RAB11FIP5: variants seen among roughly 807,000 people sequenced by gnomAD.
The protein encoded by RAB11FIP5 is RAB11 family interacting protein 5.
In RAB11FIP5, 48 loss-of-function variants were observed where a neutral mutation model predicts 85.1. That is an observed-to-expected ratio of 0.56 (90% CI 0.45 to 0.72). The LOEUF is 0.72. Ranked by LOEUF, RAB11FIP5 falls within the 30% of genes least tolerant of loss-of-function variation. The probability of loss-of-function intolerance (pLI) is 0.00; values close to 1 mark genes in which losing one functional copy is unlikely to be tolerated. For missense variants in RAB11FIP5, 1,491 were observed against 1,687.0 expected (o/e 0.88, Z 2.04); for synonymous variants, 729 against 727.3 (o/e 1.00, Z -0.04).
chr2:73,081,539 G>T lies in RAB11FIP5; in HGVS notation c.1693C>A (p.Leu565Ile). ...PTAAPMLSTN[L>I]FAAASPAAAT... ...GCAGCGGGGGAGGCGGCTGCAAAAA[G>T]GTTAGTGCTTAGCATGGGAGCAGCA... Residue 565 changes from leucine to isoleucine, a missense_variant, in exon 4 of 6, where the codon CTT (leucine) becomes ATT (isoleucine). This residue lies in a region of RAB11FIP5 where 1,211 missense variants were observed against 1,338.0 expected (regional missense o/e 0.91). Coordinates refer to ENST00000486777, the MANE Select transcript of RAB11FIP5 (RefSeq NM_001371272.1). The surrounding 1 kb of genome is among the most constrained non-coding windows in gnomAD (Gnocchi z 4.2). 8.2e-7 allele frequency: 1 copy of T among 1,219,160 alleles called. No individual in the cohort carries two copies. Among genetic ancestry groups the T allele is most frequent in the East Asian group, 3.2e-5 (1 of 31,642 alleles). 75.5% of individuals were successfully genotyped at this position (1,219,160 alleles called of 1,614,324 possible).
At chr2:73,091,586 G>A (rs1448870499) in intron 1 of RAB11FIP5, among the ~76,000 whole-genome samples, 1 of 152,176 alleles carries the variant, frequency 6.6e-6, no homozygotes, top group Non-Finnish European at 1.5e-5. Context: ...GTGGGGTGTG[G>A]GGAGCCTTTG....
intron 1 of RAB11FIP5, among the ~76,000 whole-genome samples, chr2:73,100,722 G>A (rs142134989): frequency 5.9e-5 from 9 of 152,166 alleles, no homozygotes; most frequent in African/African-American, 1.7e-4. Flanking sequence ...CACCATGCCC[G>A]GCCCCAGACT....
chr2:73,089,499 C>A lies in RAB11FIP5; in HGVS notation c.432-184G>T. On this transcript the variant is annotated intron_variant, in intron 1 of 5. Coordinates refer to ENST00000486777, the MANE Select transcript of RAB11FIP5 (RefSeq NM_001371272.1). This position sits in a 1 kb window ranked among gnomAD's most constrained non-coding sequence, Gnocchi z 4.6. ...CTTCAGATGCAGCTGAGAAACTATC[C>A]AAAACATTTCCATGATGGAGAAAAC... 1.4e-6 allele frequency: 1 copy of A among 707,716 alleles called. No homozygotes were observed. Among genetic ancestry groups the A allele is most frequent in the Non-Finnish European group, 2.5e-6 (1 of 396,088 alleles). The allele number at this position is 707,716 out of a possible 1,614,324, so 43.8% of individuals were successfully genotyped here. A position where few individuals can be genotyped will look rare whatever the true frequency, so the allele number is the denominator to read the frequency against.
intron 3 of RAB11FIP5, among the ~76,000 whole-genome samples, chr2:73,085,495 C>T (rs761461843): frequency 7.9e-5 from 12 of 152,166 alleles, no homozygotes; most frequent in Non-Finnish European, 1.6e-4. Context: ...CTCAAACACA[C>T]GTGAAGTAGC....
chr2:73,093,183 G>A (rs1196952203), intron 1 of RAB11FIP5, among the ~76,000 whole-genome samples: 2 of 152,188 alleles, frequency 1.3e-5, no homozygotes, highest in Non-Finnish European at 2.9e-5. Context: ...TGGGCTCTGA[G>A]CACCTCATCC....
At position 73,080,400 on chromosome 2, in the gene RAB11FIP5, G is replaced by A. The variant is rs72903414; in HGVS notation, c.2832C>T (p.Val944=). 4.6e-5 allele frequency: 57 copies of A among 1,233,144 alleles called. No individual in the cohort carries two copies. In the African/African-American group the frequency reaches 6.2e-4, roughly 13 times the overall value. The allele number at this position is 1,233,144 out of a possible 1,614,324, so 76.4% of individuals were successfully genotyped here. A position where few individuals can be genotyped will look rare whatever the true frequency, so the allele number is the denominator to read the frequency against. ...CCTCCTCCTTGGTCTCCGGGGGACC[G>A]ACAACCAGTGCACTTGGGGAGGCAT... ...GEDASPSALV[V]GPPETKEEGE... Residue 944 remains valine (V), a synonymous_variant, in exon 4 of 6, where the codon GTC becomes GTT. Coordinates refer to ENST00000486777, the MANE Select transcript of RAB11FIP5 (RefSeq NM_001371272.1).
At chr2:73,107,145 CATGTGG>C (rs1299736095) in intron 1 of RAB11FIP5, among the ~76,000 whole-genome samples, 1 of 152,254 alleles carries the variant, frequency 6.6e-6, no homozygotes, top group East Asian at 1.9e-4. Context: ...AGCAGACTCA[CATGTGG>C]ACTCATTTTT....
chr2:73,094,711 T>C (rs1304800748), intron 1 of RAB11FIP5, among the ~76,000 whole-genome samples: 1 of 152,040 alleles, frequency 6.6e-6, no homozygotes, highest in African/African-American at 2.4e-5. Context: ...TTAAGGACAC[T>C]CAATCGGTAC....
At position 73,080,363 on chromosome 2, in the gene RAB11FIP5, C is replaced by T. The variant is rs1397813826; in HGVS notation, c.2869G>A (p.Glu957Lys). The T allele has an allele frequency of 1.6e-6, 2 of 1,232,778 alleles. No individual in the cohort carries two copies. Among genetic ancestry groups the T allele is most frequent in the African/African-American group, 3.1e-5 (2 of 64,400 alleles). 76.4% of individuals were successfully genotyped at this position (1,232,778 alleles called of 1,614,324 possible). A position where few individuals can be genotyped will look rare whatever the true frequency, so the allele number is the denominator to read the frequency against. The change falls in exon 4 of 6, where the codon GAG becomes AAG. Residue 957 changes from glutamate to lysine, a missense_variant. Glu to Lys is a moderately conservative substitution (Grantham distance 56). Coordinates refer to ENST00000486777, the MANE Select transcript of RAB11FIP5 (RefSeq NM_001371272.1). ...PETKEEGEKR[E>K]SEESDSCSSA... ...GAGCAGCTGTCAGACTCCTCCGACT[C>T]ACGCTTCTCTCCCTCCTCCTTGGTC...
chr2:73,075,348 A>G lies in RAB11FIP5; in HGVS notation c.*173T>C, dbSNP rs767259867. 3 of 742,658 alleles carry G rather than the reference A, an allele frequency of 4.0e-6. No homozygotes were observed. The highest frequency in any genetic ancestry group is 7.2e-6 in the Non-Finnish European group (3 of 418,062). 46.0% of individuals were successfully genotyped at this position (742,658 alleles called of 1,614,324 possible). On this transcript the variant is annotated 3_prime_UTR_variant, in exon 6 of 6. Coordinates refer to ENST00000486777, the MANE Select transcript of RAB11FIP5 (RefSeq NM_001371272.1). The surrounding 1 kb of genome is among the most constrained non-coding windows in gnomAD (Gnocchi z 4.6). ...TTGTGCACAGAACCTGATGCCTCCA[A>G]AGGGAATCCAGAGGGCCCCCTTCCA...
In RAB11FIP5 at chr2:73,074,265, C is replaced by T. The variant is rs1255332119; in HGVS notation, c.*1256G>A. Reference sequence around the variant, plus strand: ...GTCTCCCAAAGGCATAGTGGGACCTCCCTCTTCCAGGCAAGCTGACTGGTC... The same window carrying T: ...GTCTCCCAAAGGCATAGTGGGACCTTCCTCTTCCAGGCAAGCTGACTGGTC... On this transcript the variant is annotated 3_prime_UTR_variant, in exon 6 of 6. Transcript: ENST00000486777. 6.6e-6 allele frequency: 1 copy of T among 152,272 alleles called. No homozygotes were observed. Among genetic ancestry groups the T allele is most frequent in the Non-Finnish European group, 1.5e-5 (1 of 68,086 alleles). 9.4% of individuals were successfully genotyped at this position (152,272 alleles called of 1,614,324 possible).
At chr2:73,101,608 C>A (rs950261271) in intron 1 of RAB11FIP5, among the ~76,000 whole-genome samples, 1 of 152,120 alleles carries the variant, frequency 6.6e-6, no homozygotes, top group African/African-American at 2.4e-5. Flanking sequence ...TAGACTCCTG[C>A]GGAGGTCAGA....
At chr2:73,110,496 A>G (rs1313930209) in intron 1 of RAB11FIP5, among the ~76,000 whole-genome samples, 1 of 150,054 alleles carries the variant, frequency 6.7e-6, no homozygotes, top group Non-Finnish European at 1.5e-5. Context: ...CCGGTTCTAT[A>G]AATAAACCAG....
intron 1 of RAB11FIP5, among the ~76,000 whole-genome samples, chr2:73,098,841 T>C (rs1385611799): frequency 2.6e-5 from 4 of 152,176 alleles, no homozygotes; most frequent in African/African-American, 9.7e-5. Context: ...GCAACAGTAG[T>C]ACAGAAGTAG....
At position 73,089,238 on chromosome 2, in the gene RAB11FIP5, C is replaced by G; in HGVS notation, c.509G>C (p.Arg170Pro). The G allele has an allele frequency of 6.2e-6, 10 of 1,614,152 alleles. No homozygotes were observed. The highest frequency in any genetic ancestry group is 8.5e-6 in the Non-Finnish European group (10 of 1,180,018). ...AAACATACTGGCGCTCAGGTTGTTG[C>G]GCGTGAACTGGATGGTGACTTCAAT... ...GEIEVTIQFT[R>P]NNLSASMFDL... The change falls in exon 2 of 6, where the codon CGC becomes CCC. Residue 170 changes from arginine (R) to proline (P), a missense_variant. This residue lies in a region of RAB11FIP5 where 1,211 missense variants were observed against 1,338.0 expected (regional missense o/e 0.91). Transcript: ENST00000486777. This position sits in a 1 kb window ranked among gnomAD's most constrained non-coding sequence, Gnocchi z 4.6.
intron 4 of RAB11FIP5, among the ~76,000 whole-genome samples, chr2:73,079,104 G>A (rs1683916920): frequency 6.6e-6 from 1 of 152,192 alleles, no homozygotes; most frequent in Non-Finnish European, 1.5e-5. Context: ...TTCTGAAGGT[G>A]TCTGCAGCTT....
Position 73,104,590 on chromosome 2 carries a change from A to T in RAB11FIP5, c.431+7757T>A, listed in dbSNP as rs183710549. Reference sequence around the variant, plus strand: ...CTCAAAAAACAAAACAAAACAAAACAAAACTAAATAGGAAGTAAAGAAAGT... The same window carrying T: ...CTCAAAAAACAAAACAAAACAAAACTAAACTAAATAGGAAGTAAAGAAAGT... On this transcript the variant is annotated intron_variant, in intron 1 of 5. Coordinates refer to ENST00000486777, the MANE Select transcript of RAB11FIP5 (RefSeq NM_001371272.1). Among the ~76,000 whole-genome samples the T allele has an allele frequency of 1.6e-3, 237 of 152,252 alleles. 2 individuals carry two copies. The highest frequency in any genetic ancestry group is 2.1e-3 in the Non-Finnish European group (145 of 68,028).
intron 1 of RAB11FIP5, among the ~76,000 whole-genome samples, chr2:73,106,600 T>C (rs1684531971): frequency 6.6e-6 from 1 of 152,162 alleles, no homozygotes; most frequent in Admixed American, 6.5e-5. Context: ...AATGTCCCCA[T>C]CTCACTAAAA....
At chr2:73,111,975 C>T (rs919081328) in intron 1 of RAB11FIP5, among the ~76,000 whole-genome samples, 1 of 152,170 alleles carries the variant, frequency 6.6e-6, no homozygotes, top group Non-Finnish European at 1.5e-5. Context: ...TTCCCCTCCC[C>T]TTTGAGGAAA....
Sources: allele counts gnomAD v4.1 joint callset (sites outside exome capture counted in the v4.1 genomes callset), GRCh38; gene constraint gnomAD v4.1.1; regional missense constraint gnomAD v4.1.1; non-coding constraint Gnocchi (gnomAD v3.1); transcripts MANE v1.5; gene names NCBI Gene and HGNC (gene_info 2026-07-23, HGNC 2026-07-21).